Variants in CKAP2 observed in about 807,000 individuals in gnomAD.
The protein encoded by CKAP2 is cytoskeleton associated protein 2, also known as cytoskeleton-associated protein 2.
In CKAP2, 46 loss-of-function variants were observed where a neutral mutation model predicts 58.4. The observed-to-expected ratio is 0.79, with a 90% CI of 0.62 to 1.01. The LOEUF (loss-of-function observed/expected upper bound fraction) is 1.01, where lower values mean the gene tolerates loss of function less well. Ranked by LOEUF, CKAP2 falls within the 50% of genes least tolerant of loss-of-function variation. The pLI is 0.00. For missense variants in CKAP2, 809 were observed against 796.4 expected, an observed-to-expected ratio of 1.02 and a Z score of -0.19; for synonymous variants, 293 against 280.9, an observed-to-expected ratio of 1.04 and a Z score of -0.43.
At chr13:52,459,810 ATAAGT>A (rs908235811) in intron 2 of CKAP2, among the ~76,000 whole-genome samples, 22 of 152,306 alleles carry the variant, frequency 1.4e-4, no homozygotes, top group East Asian at 3.9e-4. Flanking sequence ...AGCTGTAAAA[ATAAGT>A]TAAGTCAGTT....
At chr13:52,465,934 CAT>C (rs1192539615) in intron 6 of CKAP2, 10 of 306,636 alleles carry the variant, frequency 3.3e-5, no homozygotes, top group Admixed American at 2.2e-4. Context: ...TATATACACA[CAT>C]ATATATACAC....
At position 52,461,046 on chromosome 13, in the gene CKAP2, T is replaced by C; in HGVS notation, c.232-12T>C. The C allele has an allele frequency of 6.2e-7, 1 of 1,600,844 alleles. No homozygotes were observed. The highest frequency in any genetic ancestry group is 2.2e-5 in the East Asian group (1 of 44,736). On this transcript the variant is annotated splice_polypyrimidine_tract_variant and intron_variant, in intron 3 of 8. Transcript: ENST00000258607. Reference sequence around the variant, plus strand: ...GCCTTTCCTAAACACTTTTCTTAAATAATTCTTTCAGGCTGATAAAGAAAA... The same window carrying C: ...GCCTTTCCTAAACACTTTTCTTAAACAATTCTTTCAGGCTGATAAAGAAAA...
intron 7 of CKAP2, among the ~76,000 whole-genome samples, chr13:52,469,711 C>G (rs1958735596): frequency 6.6e-6 from 1 of 150,566 alleles, no homozygotes; most frequent in Non-Finnish European, 1.5e-5. Flanking sequence ...ATTCTCCTGC[C>G]TCAGCCTCCC....
Position 52,456,593 on chromosome 13 carries a change from T to C in CKAP2, c.141T>C (p.Asn47=). 1 of 1,612,132 alleles carries C rather than the reference T, an allele frequency of 6.2e-7. No individual in the cohort carries two copies. Among genetic ancestry groups the C allele is most frequent in the Non-Finnish European group, 8.5e-7 (1 of 1,178,378 alleles). Reference sequence around the variant, plus strand: ...CGCTTTTTGCATACAAGCAGGAAAATGAGATGTTATCCAGGTAAGGTCAAG... The same window carrying C: ...CGCTTTTTGCATACAAGCAGGAAAACGAGATGTTATCCAGGTAAGGTCAAG... ...RKTLFAYKQE[N]EMLSSRDQRV... Residue 47 remains asparagine, a synonymous_variant, in exon 2 of 9, where the codon AAT becomes AAC. Coordinates refer to ENST00000258607, the MANE Select transcript of CKAP2 (RefSeq NM_018204.5).
At chr13:52,457,043 A>G (rs1958496951) in intron 2 of CKAP2, among the ~76,000 whole-genome samples, 2 of 152,000 alleles carry the variant, frequency 1.3e-5, no homozygotes, top group Non-Finnish European at 2.9e-5. Flanking sequence ...ACTACAGGCA[A>G]GTGCCACCAT....
intron 2 of CKAP2, among the ~76,000 whole-genome samples, chr13:52,458,453 C>A (rs949528634): frequency 2.0e-5 from 3 of 152,152 alleles, no homozygotes; most frequent in Non-Finnish European, 4.4e-5. Context: ...TGACTCTCAA[C>A]CACTTATTTA....
chr13:52,460,875 TTTTG>T lies in CKAP2; in HGVS notation c.156-12_156-9del, dbSNP rs780678371. 43 of 1,603,874 alleles carry T rather than the reference TTTTG, an allele frequency of 2.7e-5. No individual in the cohort carries two copies. The African/African-American group carries it at 3.9e-4, about 15-fold the overall frequency. Reference sequence around the variant, plus strand: ...TCCTTGGTACAGGATTGATTGATCATTTTGTTTGTTTGTTTTTAAGTAGTAGAGA... The same window carrying T: ...TCCTTGGTACAGGATTGATTGATCATTTTGTTTGTTTTTAAGTAGTAGAGA... On this transcript the variant is annotated intron_variant, in intron 2 of 8. Transcript: ENST00000258607.
Position 52,456,029 on chromosome 13 carries a change from G to C in CKAP2, c.70+403G>C, listed in dbSNP as rs1167892793. The stretch of plus-strand genomic sequence containing the variant: ...CCCTAGCGAATTTCTGCAGGGCTGG[G>C]GTCGCATCATGTGTTATTTCCAATT... On this transcript the variant is annotated intron_variant, in intron 1 of 8. Transcript: ENST00000258607. The C allele has an allele frequency of 3.8e-6, 4 of 1,048,158 alleles. No individual in the cohort carries two copies. The African/African-American group carries it at 6.8e-5, about 18-fold the overall frequency. 64.9% of individuals were successfully genotyped at this position (1,048,158 alleles called of 1,614,324 possible).
chr13:52,473,322 A>G (rs1000837991), intron 7 of CKAP2, among the ~76,000 whole-genome samples: 2 of 152,084 alleles, frequency 1.3e-5, no homozygotes, highest in African/African-American at 4.8e-5. Context: ...AACTTCTTTC[A>G]TATAAAGCTC....
chr13:52,463,029 C>G (rs576032493), intron 5 of CKAP2, among the ~76,000 whole-genome samples: 9 of 152,290 alleles, frequency 5.9e-5, no homozygotes, highest in African/African-American at 2.2e-4. Flanking sequence ...CCTCTGCCTC[C>G]TGGGTTGAAG....
chr13:52,461,263 C>T lies in CKAP2; in HGVS notation c.437C>T (p.Ala146Val). Reference sequence around the variant, plus strand: ...AGTCAACATATGACATTAAGCCAGGCATTTCACCTTAAAAACAATAGTAAA... The same window carrying T: ...AGTCAACATATGACATTAAGCCAGGTATTTCACCTTAAAAACAATAGTAAA... ...PQSQHMTLSQ[A>V]FHLKNNSKKK... Residue 146 changes from alanine (A) to valine (V), a missense_variant, in exon 4 of 9, where the codon GCA becomes GTA. Physicochemically the swap from Ala to Val is moderately conservative, Grantham distance 64. Transcript: ENST00000258607. The T allele has an allele frequency of 6.2e-7, 1 of 1,613,602 alleles. No individual in the cohort carries two copies. The highest frequency in any genetic ancestry group is 8.5e-7 in the Non-Finnish European group (1 of 1,179,930).
chr13:52,467,522 G>A (rs1958697521), intron 6 of CKAP2, among the ~76,000 whole-genome samples: 1 of 152,150 alleles, frequency 6.6e-6, no homozygotes, highest in African/African-American at 2.4e-5. Context: ...AGCCTGGCCA[G>A]CATGGTGAAA....
At chr13:52,460,079 G>T (rs187779673) in intron 2 of CKAP2, among the ~76,000 whole-genome samples, 255 of 151,908 alleles carry the variant, frequency 1.7e-3, no homozygotes, top group African/African-American at 5.8e-3. Flanking sequence ...GGCTGCTCTC[G>T]AACTCCTGAG....
intron 6 of CKAP2, among the ~76,000 whole-genome samples, chr13:52,467,399 A>C (rs1272377343): frequency 1.3e-5 from 2 of 152,172 alleles, no homozygotes; most frequent in Non-Finnish European, 2.9e-5. Flanking sequence ...AGACTTAAGT[A>C]AAATTATGGA....
Position 52,462,367 on chromosome 13 carries a change from C to T in CKAP2, c.1105C>T (p.Arg369Cys), listed in dbSNP as rs751833401. Residue 369 changes from arginine (R) to cysteine (C), a missense_variant, in exon 5 of 9, where the codon CGT (arginine) becomes TGT (cysteine). Physicochemically the swap from Arg to Cys is radical, Grantham distance 180 (BLOSUM62 -3). Transcript: ENST00000258607. ...TATATCTGCTTCTAACTATAGAGCT[C>T]GTCTGAGTGAGTGGAAAGCTGGCAA... ...PKETSEERKA[R>C]LSEWKAGKGR... 21 of 1,613,502 alleles carry T rather than the reference C, an allele frequency of 1.3e-5. No individual in the cohort carries two copies. The East Asian group carries it at 2.2e-4, about 17-fold the overall frequency.
intron 1 of CKAP2, chr13:52,455,970 A>ACTGCGC: frequency 3.6e-6 from 4 of 1,101,356 alleles, no homozygotes; most frequent in Non-Finnish European, 4.4e-6. Context: ...TCAGGGACCG[A>ACTGCGC]CTGCGCCTGC....
In CKAP2 at chr13:52,461,504, A is replaced by T; in HGVS notation, c.678A>T (p.Thr226=). 6.2e-7 allele frequency: 1 copy of T among 1,614,174 alleles called. No homozygotes were observed. The highest frequency in any genetic ancestry group is 8.5e-7 in the Non-Finnish European group (1 of 1,180,022). ...KPQPVNTSSV[T]VKSNRSSNMT... Reference sequence around the variant, plus strand: ...AGCCTGTAAACACCAGCAGTGTAACAGTGAAAAGTAATAGATCCTCCAATA... The same window carrying T: ...AGCCTGTAAACACCAGCAGTGTAACTGTGAAAAGTAATAGATCCTCCAATA... The change falls in exon 4 of 9, where the codon ACA becomes ACT. Residue 226 remains threonine (T), a synonymous_variant. Coordinates refer to ENST00000258607, the MANE Select transcript of CKAP2 (RefSeq NM_018204.5).
intron 6 of CKAP2, chr13:52,465,966 T>C (rs5022233): frequency 0.21 from 57,492 of 270,552 alleles, 7,363 homozygotes; most frequent in South Asian, 0.3. Flanking sequence ...CACACATATA[T>C]ACACACATAT....
rs7990027 is a variant in CKAP2 at position 52,464,240 on chromosome 13, A to G, written c.1306-1055A>G. ...ATTATTATCACAGATTAAGTTACCT[A>G]AAATACTCAAAAAAAAAATCCCATT... On this transcript the variant is annotated intron_variant, in intron 5 of 8. Coordinates refer to ENST00000258607, the MANE Select transcript of CKAP2 (RefSeq NM_018204.5). Among the ~76,000 whole-genome samples the G allele has an allele frequency of 5.0e-3, 760 of 151,912 alleles. 7 individuals are homozygous for G. The highest frequency in any genetic ancestry group is 0.017 in the African/African-American group (700 of 41,226).
Sources: gnomAD v4.1 joint callset for allele counts (sites outside exome capture counted in the v4.1 genomes callset) on GRCh38, gnomAD v4.1.1 for gene constraint, MANE v1.5 for transcripts, NCBI Gene and HGNC (gene_info 2026-07-23, HGNC 2026-07-21) for gene names.